MSL2: variants seen among roughly 807,000 people sequenced by gnomAD.
MSL2 encodes MSL complex subunit 2.
A neutral mutation model predicts 35.8 loss-of-function variants in MSL2; 2 were observed. The ratio of observed to expected loss-of-function variants is 0.06; its 90% CI spans 0.02 to 0.18. The LOEUF is 0.18. Ranked by LOEUF, MSL2 falls within the 10% of genes least tolerant of loss-of-function variation. The pLI is 1.00. For synonymous variants in MSL2, 296 were observed against 255.7 expected (o/e 1.16, Z -1.50); for missense variants, 523 against 706.7 (o/e 0.74, Z 2.95).
At chr3:136,174,780 A>G (rs1345226251) in intron 1 of MSL2, among the ~76,000 whole-genome samples, 1 of 152,224 alleles carries the variant, frequency 6.6e-6, no homozygotes, top group Non-Finnish European at 1.5e-5. Context: ...TCCAACAAAA[A>G]ACAAAGATCG....
chr3:136,175,101 T>G (rs1199166534), intron 1 of MSL2, among the ~76,000 whole-genome samples: 2 of 152,040 alleles, frequency 1.3e-5, no homozygotes, highest in East Asian at 3.9e-4. Context: ...ATCCCAGCAC[T>G]TTGGGAGGCC....
intron 1 of MSL2, among the ~76,000 whole-genome samples, chr3:136,181,184 A>G (rs923642635): frequency 6.6e-6 from 1 of 151,882 alleles, no homozygotes; most frequent in Non-Finnish European, 1.5e-5. Context: ...AAAATCGTGA[A>G]CCAAATATTT....
intron 1 of MSL2, among the ~76,000 whole-genome samples, chr3:136,176,918 T>C (rs1466505347): frequency 6.6e-6 from 1 of 152,182 alleles, no homozygotes; most frequent in African/African-American, 2.4e-5. Flanking sequence ...CAAACGGACT[T>C]ACACATTGCT....
intron 1 of MSL2, among the ~76,000 whole-genome samples, chr3:136,170,850 C>G (rs1025403286): frequency 4.6e-5 from 7 of 151,992 alleles, no homozygotes; most frequent in Non-Finnish European, 1.0e-4. Flanking sequence ...AGAATACAAG[C>G]CTGATCTCAA....
rs1189487530 is a variant in MSL2 at position 136,151,318 on chromosome 3, C to T, written c.1563G>A (p.Glu521=). 2 of 1,614,244 alleles carry T rather than the reference C, an allele frequency of 1.2e-6. No homozygotes were observed. The highest frequency in any genetic ancestry group is 1.3e-5 in the African/African-American group (1 of 75,064). Residue 521 remains glutamate, a synonymous_variant, in exon 2 of 2, where the codon GAG becomes GAA. Coordinates refer to ENST00000309993, the MANE Select transcript of MSL2 (RefSeq NM_018133.4). The surrounding 1 kb of genome is among the most constrained non-coding windows in gnomAD (Gnocchi z 5.2). ...EAFAVPEKAL[E]QTRLTLGINV... is the part of the protein sequence containing the mutation. The stretch of plus-strand genomic sequence containing the variant: ...TAATGCCCAAAGTGAGCCTGGTCTG[C>T]TCCAAGGCCTTTTCTGGCACGGCAA...
chr3:136,195,219 C>A lies in MSL2; in HGVS notation c.-106G>T. ...GAATTTGCAACAATTCGGAAGAAAT[C>A]AGAGCCGAACCATTGGCCAAACAAG... On this transcript the variant is annotated 5_prime_UTR_variant, in exon 1 of 2. The change abolishes the stop of an existing upstream ORF in the 5' untranslated region. Transcript: ENST00000309993. The A allele has an allele frequency of 6.6e-7, 1 of 1,522,032 alleles. No homozygotes were observed. Among genetic ancestry groups the A allele is most frequent in the South Asian group, 1.3e-5 (1 of 75,466 alleles). The allele number at this position is 1,522,032 out of a possible 1,614,324, so 94.3% of individuals were successfully genotyped here.
intron 1 of MSL2, among the ~76,000 whole-genome samples, chr3:136,167,452 C>G (rs1939883191): frequency 6.6e-6 from 1 of 152,138 alleles, no homozygotes; most frequent in Non-Finnish European, 1.5e-5. Context: ...AAAAAATTCT[C>G]AGAATCAAAA....
At chr3:136,157,586 T>C (rs1219447421) in intron 1 of MSL2, among the ~76,000 whole-genome samples, 1 of 151,982 alleles carries the variant, frequency 6.6e-6, no homozygotes, top group African/African-American at 2.4e-5. Flanking sequence ...GAAAAATAAA[T>C]AACACCAAAA....
Position 136,149,896 on chromosome 3 carries a change from TA to T in MSL2, c.*1250del, listed in dbSNP as rs1939298915. ...ACTGTCAAAGCTGCAGCTCTTCTTT[TA>T]AATCACAGGTTATTTCATTACACCT... On this transcript the variant is annotated 3_prime_UTR_variant, in exon 2 of 2. Transcript: ENST00000309993. 6.6e-6 allele frequency: 1 copy of T among 152,606 alleles called. No individual in the cohort carries two copies. Among genetic ancestry groups the T allele is most frequent in the Non-Finnish European group, 1.5e-5 (1 of 68,046 alleles). The allele number at this position is 152,606 out of a possible 1,614,324, so 9.5% of individuals were successfully genotyped here. A position where few individuals can be genotyped will look rare whatever the true frequency, so the allele number is the denominator to read the frequency against.
At chr3:136,181,328 G>A (rs1432137160) in intron 1 of MSL2, among the ~76,000 whole-genome samples, 1 of 152,036 alleles carries the variant, frequency 6.6e-6, no homozygotes, top group African/African-American at 2.4e-5. Flanking sequence ...TAAAATACAT[G>A]ACTAAGATTA....
In MSL2 at chr3:136,171,778, C is replaced by CTA. The variant is rs1940032555; in HGVS notation, c.143-19042_143-19041dup. On this transcript the variant is annotated intron_variant, in intron 1 of 1. Coordinates refer to ENST00000309993, the MANE Select transcript of MSL2 (RefSeq NM_018133.4). ...ATGATTCCAAGACGTATGGCCAGGT[C>CTA]TATAAAGGGTGTATCAAAAGCCTTG... is the stretch of plus-strand genomic sequence containing the variant. Among the ~76,000 whole-genome samples the CTA allele has an allele frequency of 2.0e-5, 3 of 152,260 alleles. No homozygotes were observed. The South Asian group carries it at 6.2e-4, about 32-fold the overall frequency.
Position 136,152,431 on chromosome 3 carries a change from G to C in MSL2, c.450C>G (p.Ser150=). 1 of 1,614,148 alleles carries C rather than the reference G, an allele frequency of 6.2e-7. No homozygotes were observed. Among genetic ancestry groups the C allele is most frequent in the South Asian group, 1.1e-5 (1 of 91,080 alleles). Reference sequence around the variant, plus strand: ...GGGAATGTGTCAAACACAAAGTAAAGGATGAATCTGAGGGTTTTTCTGTCT... The same window carrying C: ...GGGAATGTGTCAAACACAAAGTAAACGATGAATCTGAGGGTTTTTCTGTCT... ...CEETEKPSDS[S]FTLCLTHSPL... Residue 150 remains serine, a synonymous_variant, in exon 2 of 2, where the codon TCC becomes TCG. Transcript: ENST00000309993.
At chr3:136,194,350 G>A (rs1350348000) in intron 1 of MSL2, 6 of 937,660 alleles carry the variant, frequency 6.4e-6, no homozygotes, top group Non-Finnish European at 7.6e-6. Context: ...CAAAGCCAAA[G>A]TATATTAAAC....
At chr3:136,189,297 T>C (rs1420462326) in intron 1 of MSL2, among the ~76,000 whole-genome samples, 2 of 139,858 alleles carry the variant, frequency 1.4e-5, no homozygotes, top group African/African-American at 5.4e-5. Context: ...AGACCCTGTC[T>C]CGAGAAAATT....
intron 1 of MSL2, among the ~76,000 whole-genome samples, chr3:136,181,894 C>T (rs1940375114): frequency 6.7e-6 from 1 of 150,164 alleles, no homozygotes; most frequent in African/African-American, 2.5e-5. Flanking sequence ...ACTCCAGCCT[C>T]GGCAACAGAG....
chr3:136,160,325 AGGAGGGAAGGAAGGAGGGAGGGAG>A lies in MSL2; in HGVS notation c.143-7611_143-7588del, dbSNP rs1478115550. Among the ~76,000 whole-genome samples the A allele has an allele frequency of 8.2e-4, 28 of 34,302 alleles. 1 individual carries two copies. Among genetic ancestry groups the A allele is most frequent in the African/African-American group, 2.3e-3 (24 of 10,350 alleles). 22.5% of individuals were successfully genotyped at this position (34,302 alleles called of 152,430 possible). ...AGGGAAGGAAGGAGGGAGGGAGGGA[AGGAGGGAAGGAAGGAGGGAGGGAG>A]GGAGGGAGGGAGGGAGGGAGGGAGG... On this transcript the variant is annotated intron_variant, in intron 1 of 1. Transcript: ENST00000309993.
chr3:136,176,803 C>G (rs1006288013), intron 1 of MSL2, among the ~76,000 whole-genome samples: 7 of 152,186 alleles, frequency 4.6e-5, no homozygotes, highest in African/African-American at 1.7e-4. Flanking sequence ...TCACCAGAAG[C>G]AGATGCTGGC....
intron 1 of MSL2, among the ~76,000 whole-genome samples, chr3:136,186,059 G>A (rs1412277137): frequency 6.6e-6 from 1 of 152,088 alleles, no homozygotes; most frequent in Non-Finnish European, 1.5e-5. Flanking sequence ...AATCCCTGAA[G>A]AATTCTTTAA....
chr3:136,183,825 T>G (rs1228000150), intron 1 of MSL2, among the ~76,000 whole-genome samples: 1 of 152,210 alleles, frequency 6.6e-6, no homozygotes, highest in African/African-American at 2.4e-5. Flanking sequence ...ACTAAGAGTC[T>G]GTAAGAACAG....
Sources: gnomAD v4.1 joint callset for allele counts (sites outside exome capture counted in the v4.1 genomes callset) on GRCh38, gnomAD v4.1.1 for gene constraint, Gnocchi (gnomAD v3.1) non-coding constraint, MANE v1.5 for transcripts, NCBI Gene and HGNC (gene_info 2026-07-23, HGNC 2026-07-21) for gene names.